SLC16A7: variants seen among roughly 807,000 people sequenced by gnomAD.
SLC16A7 encodes monocarboxylate transporter 2.
SLC16A7 carries 33 observed loss-of-function variants against 34.9 expected under a neutral mutation model. The ratio of observed to expected loss-of-function variants is 0.94; its 90% CI spans 0.72 to 1.26. SLC16A7 has a LOEUF of 1.26. SLC16A7 is among the 50% of genes most tolerant of loss of function. The pLI is 0.00. For synonymous variants in SLC16A7, 201 were observed against 206.6 expected, an observed-to-expected ratio of 0.97 and a Z score of 0.23; for missense variants, 573 against 578.1, an observed-to-expected ratio of 0.99 and a Z score of 0.09.
Position 59,645,590 on chromosome 12 carries a change from C to T in SLC16A7, c.-129-9562C>T, listed in dbSNP as rs530759774. 3.9e-5 allele frequency among the ~76,000 whole-genome samples: 6 copies of T among 152,212 alleles called. No individual in the cohort carries two copies. The East Asian group carries it at 1.2e-3, about 29-fold the overall frequency. On this transcript the variant is annotated intron_variant, in intron 1 of 5. Coordinates refer to ENST00000547379, the MANE Select transcript of SLC16A7 (RefSeq NM_001270623.2). Reference sequence around the variant, plus strand: ...AATGGTGAGTCAATTAAGCCTCTTTCCTTTATATATTACCGAGTCTTGGGT... The same window carrying T: ...AATGGTGAGTCAATTAAGCCTCTTTTCTTTATATATTACCGAGTCTTGGGT...
intron 3 of SLC16A7, among the ~76,000 whole-genome samples, chr12:59,751,883 C>T (rs1015929993): frequency 4.6e-5 from 7 of 152,282 alleles, no homozygotes; most frequent in South Asian, 2.1e-4. Flanking sequence ...ACACCTCACA[C>T]GGCCGGGTAC....
At chr12:59,729,060 C>T (rs927757600) in intron 3 of SLC16A7, among the ~76,000 whole-genome samples, 3 of 152,080 alleles carry the variant, frequency 2.0e-5, no homozygotes, top group African/African-American at 7.2e-5. Context: ...ATTAGTGGTG[C>T]CATTAAGTTG....
At chr12:59,731,509 C>T (rs916036039) in intron 3 of SLC16A7, among the ~76,000 whole-genome samples, 3 of 152,120 alleles carry the variant, frequency 2.0e-5, no homozygotes, top group African/African-American at 7.2e-5. Flanking sequence ...CCCAGATAGC[C>T]CTCCCATTAA....
At chr12:59,767,753 T>C (rs1439849733) in intron 3 of SLC16A7, among the ~76,000 whole-genome samples, 1 of 152,142 alleles carries the variant, frequency 6.6e-6, no homozygotes, top group Non-Finnish European at 1.5e-5. Context: ...AGGTTAATAT[T>C]GTTTTCATGC....
intron 3 of SLC16A7, among the ~76,000 whole-genome samples, chr12:59,754,138 C>T (rs186358252): frequency 2.6e-5 from 4 of 151,988 alleles, no homozygotes; most frequent in Non-Finnish European, 5.9e-5. Flanking sequence ...GCACTAAATG[C>T]CCACAAGAGA....
chr12:59,767,656 G>A (rs1565710395), intron 3 of SLC16A7, among the ~76,000 whole-genome samples: 2 of 152,026 alleles, frequency 1.3e-5, no homozygotes, highest in East Asian at 1.9e-4. Context: ...GAGACCTGCT[G>A]CTAAGAAAAA....
chr12:59,771,207 T>C lies in SLC16A7; in HGVS notation c.218-12T>C. 6.2e-7 allele frequency: 1 copy of C among 1,604,690 alleles called. No homozygotes were observed. Among genetic ancestry groups the C allele is most frequent in the Admixed American group, 1.7e-5 (1 of 57,950 alleles). ...AGCAACTGAGTATTTCTTTATCTCC[T>C]CTCTGCTGTAGGTCCTGTAAGTAGT... On this transcript the variant is annotated splice_polypyrimidine_tract_variant and intron_variant, in intron 3 of 5. Transcript: ENST00000547379.
At chr12:59,677,413 C>T (rs1870400353) in intron 2 of SLC16A7, among the ~76,000 whole-genome samples, 1 of 152,110 alleles carries the variant, frequency 6.6e-6, no homozygotes. Context: ...GGAACTTATT[C>T]CAAACTAAAC....
At chr12:59,620,419 A>G (rs1879648527) in intron 1 of SLC16A7, among the ~76,000 whole-genome samples, 1 of 151,962 alleles carries the variant, frequency 6.6e-6, no homozygotes, top group African/African-American at 2.4e-5. Flanking sequence ...AATTAGAATT[A>G]ATTTTAAGGA....
chr12:59,697,658 T>C lies in SLC16A7; in HGVS notation c.-30-7114T>C, dbSNP rs148686436. 1.4e-3 allele frequency among the ~76,000 whole-genome samples: 211 copies of C among 151,752 alleles called. 1 individual carries two copies. The highest frequency in any genetic ancestry group is 6.8e-3 in the Middle Eastern group (2 of 294). ...CCAACCTCGTCTCAGGCACTTATACTATAATTGCTACCAGCATTTGCCTTG... is the reference window on the plus strand; with the variant it reads ...CCAACCTCGTCTCAGGCACTTATACCATAATTGCTACCAGCATTTGCCTTG... On this transcript the variant is annotated intron_variant, in intron 2 of 5. Coordinates refer to ENST00000547379, the MANE Select transcript of SLC16A7 (RefSeq NM_001270623.2).
chr12:59,683,470 A>T (rs1293103571), intron 2 of SLC16A7, among the ~76,000 whole-genome samples: 1 of 152,200 alleles, frequency 6.6e-6, no homozygotes, highest in Non-Finnish European at 1.5e-5. Context: ...CACATGAACC[A>T]TGATGATCAA....
At chr12:59,659,693 T>G (rs1215946714) in intron 2 of SLC16A7, among the ~76,000 whole-genome samples, 1 of 152,140 alleles carries the variant, frequency 6.6e-6, no homozygotes, top group Non-Finnish European at 1.5e-5. Context: ...TCATTTGAAC[T>G]TATCATCAAA....
intron 1 of SLC16A7, among the ~76,000 whole-genome samples, chr12:59,608,751 T>C (rs1392968682): frequency 1.3e-5 from 2 of 152,196 alleles, no homozygotes; most frequent in African/African-American, 4.8e-5. Context: ...TTTTATTTGT[T>C]TTCATTTTAT....
intron 1 of SLC16A7, among the ~76,000 whole-genome samples, chr12:59,642,556 T>C (rs191416561): frequency 6.6e-6 from 1 of 152,180 alleles, no homozygotes; most frequent in Non-Finnish European, 1.5e-5. Context: ...TACATTGCAT[T>C]AGTGGATGAA....
intron 1 of SLC16A7, among the ~76,000 whole-genome samples, chr12:59,639,753 C>G (rs1012094229): frequency 6.6e-6 from 1 of 152,108 alleles, no homozygotes; most frequent in Non-Finnish European, 1.5e-5. Flanking sequence ...TTTCCCTTGC[C>G]AACCATTCTC....
intron 2 of SLC16A7, among the ~76,000 whole-genome samples, chr12:59,680,982 A>G (rs1870700272): frequency 6.6e-6 from 1 of 152,200 alleles, no homozygotes; most frequent in African/African-American, 2.4e-5. Flanking sequence ...CCCTCAATGG[A>G]AAAAACTACA....
intron 2 of SLC16A7, among the ~76,000 whole-genome samples, chr12:59,685,352 G>A (rs557215005): frequency 6.6e-6 from 1 of 152,284 alleles, no homozygotes; most frequent in East Asian, 1.9e-4. Flanking sequence ...GAATCTTGAT[G>A]TTTAAAGAAT....
intron 1 of SLC16A7, among the ~76,000 whole-genome samples, chr12:59,654,187 A>T (rs1303756274): frequency 1.3e-5 from 2 of 151,292 alleles, no homozygotes; most frequent in Non-Finnish European, 3.0e-5. Context: ...ATTTAACTAA[A>T]TAATCTGTAT....
chr12:59,779,370 C>G (rs1250497975), intron 5 of SLC16A7, 53 bp from the exon 6 acceptor site: 2 of 1,296,594 alleles, frequency 1.5e-6, no homozygotes, highest in Non-Finnish European at 2.1e-6. Flanking sequence ...GAATTTTTAT[C>G]ATTATATGAC....
Sources: allele counts gnomAD v4.1 joint callset (sites outside exome capture counted in the v4.1 genomes callset), GRCh38; gene constraint gnomAD v4.1.1; transcripts MANE v1.5; gene names NCBI Gene and HGNC (gene_info 2026-07-23, HGNC 2026-07-21).